Variants in DAPK2 observed in about 807,000 individuals in gnomAD.
DAPK2 encodes the protein death-associated protein kinase 2.
In DAPK2, 35 loss-of-function variants were observed where a neutral mutation model predicts 44.1. The ratio of observed to expected loss-of-function variants is 0.79; its 90% CI spans 0.61 to 1.05. The LOEUF is 1.05. Ranked by LOEUF, DAPK2 falls within the 50% of genes least tolerant of loss-of-function variation. The pLI, the probability that DAPK2 is intolerant of heterozygous loss-of-function variation, is 0.00. For synonymous variants in DAPK2, 174 were observed against 182.6 expected (o/e 0.95, Z 0.38); for missense variants, 453 against 483.2 (o/e 0.94, Z 0.59).
At chr15:63,986,468 C>T (rs1212318931) in intron 1 of DAPK2, among the ~76,000 whole-genome samples, 5 of 152,098 alleles carry the variant, frequency 3.3e-5, no homozygotes, top group African/African-American at 9.7e-5. Context: ...TCTGCTGCCC[C>T]GGCTGGAGGG....
chr15:63,957,706 A>G (rs1293630074), intron 3 of DAPK2, among the ~76,000 whole-genome samples: 2 of 152,042 alleles, frequency 1.3e-5, no homozygotes, highest in Non-Finnish European at 1.5e-5. Flanking sequence ...TTATGGCTGC[A>G]TAGTATTCCA....
At chr15:63,950,564 G>GA (rs976824137) in intron 3 of DAPK2, among the ~76,000 whole-genome samples, 1 of 151,856 alleles carries the variant, frequency 6.6e-6, no homozygotes, top group African/African-American at 2.4e-5. Flanking sequence ...CTATTAGAAA[G>GA]AAAAAAACAC....
At chr15:64,046,346 A>AGCGGCGGGC (rs542332756), upstream of DAPK2, 452 of 184,364 alleles carry the variant, frequency 2.5e-3, 4 homozygotes, top group African/African-American at 0.015. The surrounding 1 kb of genome is among the most constrained non-coding windows in gnomAD (Gnocchi z 5.3). Context: ...GCGCGGCGGG[A>AGCGGCGGGC]GCGGCGGGCG....
exon 8 of DAPK2, chr15:63,924,816 C>T (rs772349489): frequency 9.9e-6 from 16 of 1,614,020 alleles, no homozygotes; most frequent in South Asian, 6.6e-5. Context: ...GTGCCCTTAC[C>T]GTGATCCAGG....
chr15:63,911,312 AATG>A (rs933849238), intron 10 of DAPK2: 3 of 152,674 alleles, frequency 2.0e-5, no homozygotes, highest in Admixed American at 6.5e-5. Context: ...CTATTTTACA[AATG>A]ATGAACTATC....
intron 1 of DAPK2, among the ~76,000 whole-genome samples, chr15:64,019,185 C>T (rs2079615961): frequency 6.6e-6 from 1 of 152,234 alleles, no homozygotes; most frequent in African/African-American, 2.4e-5. Flanking sequence ...TACCAGAGTG[C>T]CCTGTCTCAG....
chr15:63,941,353 C>G (rs116270868), intron 3 of DAPK2, among the ~76,000 whole-genome samples: 2,505 of 152,330 alleles, frequency 0.016, 73 homozygotes, highest in African/African-American at 0.058. Context: ...GGCATGCTTT[C>G]TCTTGTCCAG....
At chr15:63,938,905 T>G (rs1482585006) in intron 4 of DAPK2, among the ~76,000 whole-genome samples, 1 of 152,142 alleles carries the variant, frequency 6.6e-6, no homozygotes, top group African/African-American at 2.4e-5. Context: ...GAGGGCGAGG[T>G]AATTTTAAGT....
chr15:63,953,308 A>G (rs950865624), intron 3 of DAPK2, among the ~76,000 whole-genome samples: 1 of 151,790 alleles, frequency 6.6e-6, no homozygotes, highest in African/African-American at 2.4e-5. Flanking sequence ...CCATTTTTCT[A>G]CTCTCAATAT....
At chr15:63,992,014 T>TG (rs1463989491) in intron 1 of DAPK2, among the ~76,000 whole-genome samples, 2 of 152,180 alleles carry the variant, frequency 1.3e-5, no homozygotes, top group Non-Finnish European at 1.5e-5. Context: ...CTAGACATTT[T>TG]TTTGTTGTTG....
chr15:63,930,853 G>C (rs1162510388), intron 4 of DAPK2, among the ~76,000 whole-genome samples: 1 of 152,134 alleles, frequency 6.6e-6, no homozygotes, highest in Non-Finnish European at 1.5e-5. Flanking sequence ...GAGCCCAGGA[G>C]TTGGAGACCA....
chr15:64,030,349 A>T (rs1347211139), intron 1 of DAPK2, among the ~76,000 whole-genome samples: 1 of 152,116 alleles, frequency 6.6e-6, no homozygotes, highest in Admixed American at 6.5e-5. Context: ...GATGATGTAA[A>T]TATGATACCC....
intron 2 of DAPK2, among the ~76,000 whole-genome samples, chr15:63,973,608 AC>A (rs2078270666): frequency 6.6e-6 from 1 of 152,160 alleles, no homozygotes; most frequent in South Asian, 2.1e-4. Flanking sequence ...CTTGAGTCTC[AC>A]CCACATCTGA....
At chr15:63,938,914 G>T (rs1460612340) in intron 4 of DAPK2, among the ~76,000 whole-genome samples, 1 of 152,180 alleles carries the variant, frequency 6.6e-6, no homozygotes, top group Non-Finnish European at 1.5e-5. Context: ...GTAATTTTAA[G>T]TCTTCACAAG....
chr15:63,969,089 G>T (rs545940228), intron 3 of DAPK2, among the ~76,000 whole-genome samples: 183 of 152,274 alleles, frequency 1.2e-3, no homozygotes, highest in African/African-American at 4.0e-3. Flanking sequence ...TGACGCCTCA[G>T]TAAAACTCTG....
At chr15:63,932,466 C>CAAAAAAAAAAAAAA (rs61026642) in intron 4 of DAPK2, 1 of 68,224 alleles carries the variant, frequency 1.5e-5, no homozygotes, top group African/African-American at 6.6e-5. Context: ...AACTCCGTCT[C>CAAAAAAAAAAAAAA]AAAAAAAAAA....
chr15:63,946,695 A>G (rs1297793775), intron 3 of DAPK2, among the ~76,000 whole-genome samples: 2 of 152,142 alleles, frequency 1.3e-5, no homozygotes, highest in Non-Finnish European at 2.9e-5. Flanking sequence ...GAAACTACCA[A>G]GGTCACTGAG....
intron 1 of DAPK2, among the ~76,000 whole-genome samples, chr15:64,045,819 C>A (rs565393153): frequency 6.6e-6 from 1 of 152,336 alleles, no homozygotes; most frequent in Non-Finnish European, 1.5e-5. Context: ...CAGGCCGGGG[C>A]GCCTGACGGC....
chr15:63,979,466 A>G (rs1380959147), intron 2 of DAPK2, among the ~76,000 whole-genome samples: 1 of 152,156 alleles, frequency 6.6e-6, no homozygotes, highest in Non-Finnish European at 1.5e-5. Flanking sequence ...ATCAGCGTAG[A>G]CTCATTCATA....
Sources: allele counts gnomAD v4.1 joint callset (sites outside exome capture counted in the v4.1 genomes callset), GRCh38; gene constraint gnomAD v4.1.1; non-coding constraint Gnocchi (gnomAD v3.1); transcripts MANE v1.5; gene names NCBI Gene and HGNC (gene_info 2026-07-23, HGNC 2026-07-21).